GRIN3A: variants seen among roughly 807,000 people sequenced by gnomAD.
The protein encoded by GRIN3A is glutamate ionotropic receptor NMDA type subunit 3A.
Under a neutral mutation model 92.4 loss-of-function variants are expected in GRIN3A, and 47 were observed. The ratio of observed to expected loss-of-function variants is 0.51; its 90% CI spans 0.40 to 0.65. GRIN3A has a LOEUF of 0.65. Among genes scored for constraint, GRIN3A ranks in the 30% least tolerant of loss-of-function variants. GRIN3A has a pLI of 0.00. For synonymous variants in GRIN3A, 527 were observed against 540.6 expected (o/e 0.97, Z 0.35); for missense variants, 1,324 against 1,393.1 (o/e 0.95, Z 0.79).
At chr9:101,694,713 G>A (rs1385830827) in intron 1 of GRIN3A, among the ~76,000 whole-genome samples, 1 of 152,062 alleles carries the variant, frequency 6.6e-6, no homozygotes, top group East Asian at 1.9e-4. Context: ...AACATACTTG[G>A]GAATGAGAGA....
At chr9:101,654,612 CTT>C (rs755896647) in intron 3 of GRIN3A, among the ~76,000 whole-genome samples, 3 of 150,710 alleles carry the variant, frequency 2.0e-5, no homozygotes, top group Non-Finnish European at 4.4e-5. Flanking sequence ...TTCAAGGTCT[CTT>C]TTTTTTTCCT....
At chr9:101,624,041 C>T (rs1033272462) in intron 4 of GRIN3A, among the ~76,000 whole-genome samples, 22 of 152,104 alleles carry the variant, frequency 1.4e-4, no homozygotes, top group African/African-American at 5.1e-4. Context: ...CAGCCACTTC[C>T]AATTCTTTTT....
At chr9:101,665,167 ATAG>A (rs1014024707) in intron 3 of GRIN3A, among the ~76,000 whole-genome samples, 2 of 151,982 alleles carry the variant, frequency 1.3e-5, no homozygotes, top group African/African-American at 4.8e-5. Flanking sequence ...TTTTAAGAAA[ATAG>A]TAGATAGAAC....
At chr9:101,698,346 C>CTAT (rs1447390737) in intron 1 of GRIN3A, among the ~76,000 whole-genome samples, 2 of 152,196 alleles carry the variant, frequency 1.3e-5, no homozygotes, top group African/African-American at 2.4e-5. Context: ...TTTCCAAAGA[C>CTAT]TATTATTACA....
chr9:101,686,416 A>C (rs574275489), intron 2 of GRIN3A, among the ~76,000 whole-genome samples, 180 bp downstream of exon 2: 3 of 152,180 alleles, frequency 2.0e-5, no homozygotes, highest in African/African-American at 7.2e-5. Flanking sequence ...AAGTTTATAG[A>C]TCAAATTACA....
At chr9:101,612,367 AC>A (rs1215382353) in intron 6 of GRIN3A, among the ~76,000 whole-genome samples, 2 of 152,346 alleles carry the variant, frequency 1.3e-5, no homozygotes, top group East Asian at 3.9e-4. Flanking sequence ...AGGAGCCATT[AC>A]CAAGATGTGA....
At position 101,623,340 on chromosome 9, in the gene GRIN3A, CA is replaced by C; in HGVS notation, c.2591del (p.Val864GlyfsTer7). 6.2e-7 allele frequency: 1 copy of C among 1,612,380 alleles called. No homozygotes were observed. Among genetic ancestry groups the C allele is most frequent in the Non-Finnish European group, 8.5e-7 (1 of 1,178,440 alleles). On this transcript the variant is annotated frameshift_variant, in exon 5 of 9. Transcript: ENST00000361820. LOFTEE classifies it high-confidence loss of function. ...SIDADCKLLT[V>X]GKPFAIEGYG... ...TACCTTCTATGGCAAATGGCTTCCCCACAGTGAGAAGTTTGCAGTCAGCATC... is the reference window on the plus strand; with the variant it reads ...TACCTTCTATGGCAAATGGCTTCCCCCAGTGAGAAGTTTGCAGTCAGCATC...
At chr9:101,661,004 CA>C (rs1217313211) in intron 3 of GRIN3A, among the ~76,000 whole-genome samples, 8 of 151,852 alleles carry the variant, frequency 5.3e-5, no homozygotes, top group Non-Finnish European at 1.5e-5. Context: ...AGTTAACAAA[CA>C]GATTGCATGA....
chr9:101,643,355 A>G (rs1381496058), intron 3 of GRIN3A, among the ~76,000 whole-genome samples: 1 of 152,144 alleles, frequency 6.6e-6, no homozygotes, highest in East Asian at 1.9e-4. Context: ...ATGAGTTATC[A>G]CTGTATACCT....
chr9:101,731,148 T>C (rs1830135321), intron 1 of GRIN3A, among the ~76,000 whole-genome samples: 1 of 152,160 alleles, frequency 6.6e-6, no homozygotes, highest in Non-Finnish European at 1.5e-5. Flanking sequence ...CTTTTAATAG[T>C]CCAACCTGGA....
intron 3 of GRIN3A, among the ~76,000 whole-genome samples, chr9:101,635,570 T>C (rs940461280): frequency 1.3e-5 from 2 of 152,328 alleles, no homozygotes; most frequent in Non-Finnish European, 2.9e-5. Context: ...TGCAGGTAAA[T>C]AAACAGAGGT....
intron 3 of GRIN3A, among the ~76,000 whole-genome samples, chr9:101,649,602 C>G (rs1456796848): frequency 6.6e-6 from 1 of 151,948 alleles, no homozygotes; most frequent in Admixed American, 6.6e-5. Flanking sequence ...GTGGTGTAGT[C>G]TGAAATAACT....
At chr9:101,730,891 T>C (rs559102595) in intron 1 of GRIN3A, among the ~76,000 whole-genome samples, 2 of 152,162 alleles carry the variant, frequency 1.3e-5, no homozygotes, top group Non-Finnish European at 1.5e-5. Context: ...TTTAGAAAAA[T>C]AGATGCATGA....
chr9:101,595,127 G>T, intron 6 of GRIN3A: 1 of 573,370 alleles, frequency 1.7e-6, no homozygotes, highest in Non-Finnish European at 3.1e-6. Flanking sequence ...AAGAAGGAGG[G>T]AAAAGGGGGC....
intron 3 of GRIN3A, among the ~76,000 whole-genome samples, chr9:101,636,490 T>C (rs12340832): frequency 0.014 from 2,109 of 152,302 alleles, 49 homozygotes; most frequent in African/African-American, 0.046. Flanking sequence ...TTAAGCAACT[T>C]GCTCAAGGCC....
In GRIN3A at chr9:101,613,422, C is replaced by T. The variant is rs746875662; in HGVS notation, c.2720G>A (p.Trp907Ter). 6.2e-7 allele frequency: 1 copy of T among 1,614,166 alleles called. No individual in the cohort carries two copies. Among genetic ancestry groups the T allele is most frequent in the Non-Finnish European group, 8.5e-7 (1 of 1,180,020 alleles). ...HGFMDMLHDK[W>*]YRVVPCGKRS... is the part of the protein sequence containing the mutation. Reference sequence around the variant, plus strand: ...CTTGCCACAGGGAACCACCCTGTACCACTTGTCATGGAGCATATCCATAAA... The same window carrying T: ...CTTGCCACAGGGAACCACCCTGTACTACTTGTCATGGAGCATATCCATAAA... Residue 907 changes from tryptophan (W) to a stop codon, truncating the protein, a stop_gained, in exon 6 of 9, where the codon TGG (tryptophan) becomes TAG (stop). Coordinates refer to ENST00000361820, the MANE Select transcript of GRIN3A (RefSeq NM_133445.3). LOFTEE classifies it high-confidence loss of function.
chr9:101,672,866 T>C (rs1198638116), intron 2 of GRIN3A, among the ~76,000 whole-genome samples: 1 of 152,178 alleles, frequency 6.6e-6, no homozygotes, highest in Non-Finnish European at 1.5e-5. Flanking sequence ...GATTTTGAAG[T>C]AGTTTTCTGC....
At chr9:101,704,306 A>G (rs892545704) in intron 1 of GRIN3A, among the ~76,000 whole-genome samples, 26 of 152,132 alleles carry the variant, frequency 1.7e-4, no homozygotes, top group Non-Finnish European at 3.4e-4. Context: ...CAGAGGCCCA[A>G]CTCAATCCTT....
intron 6 of GRIN3A, among the ~76,000 whole-genome samples, chr9:101,609,993 C>T (rs1828338520): frequency 6.6e-6 from 1 of 152,212 alleles, no homozygotes; most frequent in Admixed American, 6.5e-5. Context: ...GCCACTGCAC[C>T]CAGCCTTGTC....
Sources: allele counts gnomAD v4.1 joint callset (sites outside exome capture counted in the v4.1 genomes callset), GRCh38; gene constraint gnomAD v4.1.1; transcripts MANE v1.5; gene names NCBI Gene and HGNC (gene_info 2026-07-23, HGNC 2026-07-21).